The following CAD variants were observed in gnomAD, a reference collection of about 807,000 sequenced individuals.
CAD encodes multifunctional protein CAD.
Under a neutral mutation model 237.2 loss-of-function variants are expected in CAD, and 81 were observed. The ratio of observed to expected loss-of-function variants is 0.34; its 90% CI spans 0.29 to 0.41. The LOEUF (loss-of-function observed/expected upper bound fraction) is 0.41. Ranked by LOEUF, CAD falls within the 10% of genes least tolerant of loss-of-function variation. The pLI is 1.00. For missense variants in CAD, 2,181 were observed against 2,951.7 expected, an observed-to-expected ratio of 0.74 and a Z score of 6.05; for synonymous variants, 1,196 against 1,162.8, an observed-to-expected ratio of 1.03 and a Z score of -0.58.
Position 27,235,999 on chromosome 2 carries a change from C to G in CAD, c.4075-285C>G. On this transcript the variant is annotated intron_variant, in intron 25 of 43. Transcript: ENST00000264705. This position sits in a 1 kb window ranked among gnomAD's most constrained non-coding sequence, Gnocchi z 5.2. Reference sequence around the variant, plus strand: ...AGCAAAGAGAAAAGTCTCTTAAAATCTCTGTACCACTGTTCTGATATTTTT... The same window carrying G: ...AGCAAAGAGAAAAGTCTCTTAAAATGTCTGTACCACTGTTCTGATATTTTT... 2 of 511,600 alleles carry G rather than the reference C, an allele frequency of 3.9e-6. No homozygotes were observed. The highest frequency in any genetic ancestry group is 5.5e-5 in the South Asian group (2 of 36,210). 31.7% of individuals were successfully genotyped at this position (511,600 alleles called of 1,614,324 possible).
Position 27,221,263 on chromosome 2 carries a change from G to C in CAD, c.268G>C (p.Glu90Gln). ...GIHVAALVVG[E>Q]CCPTPSHWSA... ...CCACGTAGCAGCACTGGTAGTGGGA[G>C]AGTGCTGTCCTACTCCCAGCCACTG... Residue 90 changes from glutamate to glutamine, a missense_variant, in exon 3 of 44, where the codon GAG (glutamate) becomes CAG (glutamine). This residue lies in a region of CAD where 314 missense variants were observed against 339.4 expected (regional missense o/e 0.93). Transcript: ENST00000264705. 1 of 1,586,098 alleles carries C rather than the reference G, an allele frequency of 6.3e-7. No homozygotes were observed. Among genetic ancestry groups the C allele is most frequent in the Non-Finnish European group, 8.6e-7 (1 of 1,165,260 alleles).
chr2:27,229,620 G>A (rs1051035616), intron 15 of CAD, among the ~76,000 whole-genome samples: 18 of 152,110 alleles, frequency 1.2e-4, no homozygotes, highest in Non-Finnish European at 2.1e-4. Flanking sequence ...GCTCATGCCT[G>A]TAATCCCAGC....
chr2:27,232,368 C>G lies in CAD; in HGVS notation c.2646-80C>G, dbSNP rs1213938798. 3.8e-6 allele frequency: 6 copies of G among 1,589,672 alleles called. No individual in the cohort carries two copies. The African/African-American group carries it at 5.4e-5, about 14-fold the overall frequency. On this transcript the variant is annotated intron_variant, in intron 17 of 43. Coordinates refer to ENST00000264705, the MANE Select transcript of CAD (RefSeq NM_004341.5). This position sits in a 1 kb window ranked among gnomAD's most constrained non-coding sequence, Gnocchi z 4.1. Reference sequence around the variant, plus strand: ...TGGTTCCAAGGATATTTCCTCTCATCTGTGCCCTGGGGTCTCAACCCTCTA... The same window carrying G: ...TGGTTCCAAGGATATTTCCTCTCATGTGTGCCCTGGGGTCTCAACCCTCTA...
rs188436343 is a variant in CAD at position 27,236,699 on chromosome 2, C to A, written c.4315-50C>A. The A allele has an allele frequency of 3.0e-5, 48 of 1,587,758 alleles. No individual in the cohort carries two copies. The highest frequency in any genetic ancestry group is 4.2e-5 in the Non-Finnish European group (48 of 1,156,220). ...TATGGGAAAACCACATCTCTCCCTA[C>A]AACTCCCAGGATCACCCTTCCCTTA... is the stretch of plus-strand genomic sequence containing the variant. On this transcript the variant is annotated intron_variant, in intron 26 of 43. Transcript: ENST00000264705. This position sits in a 1 kb window ranked among gnomAD's most constrained non-coding sequence, Gnocchi z 4.1.
rs1395827414 is a variant in CAD, at chr2:27,233,986, A to C, written c.3400-22A>C. The C allele has an allele frequency of 6.2e-7, 1 of 1,609,172 alleles. No homozygotes were observed. Among genetic ancestry groups the C allele is most frequent in the African/African-American group, 1.3e-5 (1 of 74,788 alleles). On this transcript the variant is annotated intron_variant, in intron 21 of 43. Coordinates refer to ENST00000264705, the MANE Select transcript of CAD (RefSeq NM_004341.5). The surrounding 1 kb of genome is among the most constrained non-coding windows in gnomAD (Gnocchi z 6.3). ...AGAGAAGAAAGTGGCCCTATGTCCC[A>C]CTGTCTGTGTCCCCCCGCTAGGAGA...
rs1676438900 is a variant in CAD, at chr2:27,243,534, G to A, written c.*16G>A. ...CCGTTTCTAGGGCCTGGCTTCCTCA[G>A]CCTCTTCTCTTTAGGCCCAGCTGCT... On this transcript the variant is annotated 3_prime_UTR_variant, in exon 44 of 44. Coordinates refer to ENST00000264705, the MANE Select transcript of CAD (RefSeq NM_004341.5). 1.3e-6 allele frequency: 2 copies of A among 1,567,328 alleles called. No individual in the cohort carries two copies. The highest frequency in any genetic ancestry group is 2.7e-5 in the African/African-American group (2 of 74,120).
rs1675287916 is a variant in CAD, at chr2:27,223,593, C to T, written c.840C>T (p.Cys280=). 2 of 1,613,314 alleles carry T rather than the reference C, an allele frequency of 1.2e-6. No homozygotes were observed. The highest frequency in any genetic ancestry group is 2.2e-5 in the East Asian group (1 of 44,898). The change falls in exon 7 of 44, where the codon TGC becomes TGT. Residue 280 remains cysteine, a synonymous_variant. Transcript: ENST00000264705. Reference sequence around the variant, plus strand: ...GGAACCGAGGCCATAACCAGCCCTGCTTGTTGGTGGGCTCTGGGCGCTGCT... The same window carrying T: ...GGAACCGAGGCCATAACCAGCCCTGTTTGTTGGTGGGCTCTGGGCGCTGCT... The part of the protein sequence containing the change: ...RYGNRGHNQP[C]LLVGSGRCFL...
In CAD at chr2:27,243,591, C is replaced by A; in HGVS notation, c.*73C>A. ...GGAATTCCAGTGCCTCCTACGGGGG[C>A]AGCACACTTAGATATTCCTGGACAT... On this transcript the variant is annotated 3_prime_UTR_variant, in exon 44 of 44. Coordinates refer to ENST00000264705, the MANE Select transcript of CAD (RefSeq NM_004341.5). 1.8e-6 allele frequency: 2 copies of A among 1,135,830 alleles called. No individual in the cohort carries two copies. Among genetic ancestry groups the A allele is most frequent in the Non-Finnish European group, 2.6e-6 (2 of 776,348 alleles). 70.4% of individuals were successfully genotyped at this position (1,135,830 alleles called of 1,614,324 possible).
intron 22 of CAD, 46 bp downstream of exon 22, chr2:27,234,272 G>A (rs899153389): frequency 6.5e-7 from 1 of 1,545,396 alleles, no homozygotes; most frequent in African/African-American, 1.4e-5. Flanking sequence ...GCTCTTGCAT[G>A]TTCTGTGCTG....
At chr2:27,229,175 C>G (rs1272592416) in intron 15 of CAD, among the ~76,000 whole-genome samples, 2 of 152,018 alleles carry the variant, frequency 1.3e-5, no homozygotes, top group Non-Finnish European at 2.9e-5. Flanking sequence ...GCCTCGGCCT[C>G]CCAAAGTGCT....
In CAD at chr2:27,240,177, C is replaced by T; in HGVS notation, c.5497-88C>T. On this transcript the variant is annotated intron_variant, in intron 34 of 43. Transcript: ENST00000264705. The surrounding 1 kb of genome is among the most constrained non-coding windows in gnomAD (Gnocchi z 4.6). ...AATTGCTTGAACCCAGAAGGTCACGCCACTGCACTCCAGCCTGAGCGACAG... is the reference window on the plus strand; with the variant it reads ...AATTGCTTGAACCCAGAAGGTCACGTCACTGCACTCCAGCCTGAGCGACAG... The T allele has an allele frequency of 9.1e-7, 1 of 1,095,840 alleles. No individual in the cohort carries two copies. The highest frequency in any genetic ancestry group is 2.4e-5 in the East Asian group (1 of 42,472). 67.9% of individuals were successfully genotyped at this position (1,095,840 alleles called of 1,614,324 possible).
In CAD at chr2:27,238,646, G is replaced by A. The variant is rs1398735403; in HGVS notation, c.5062+14G>A. ...CCTCAGACCATGGTGAGAGAATCCA[G>A]CATGTACCTCCTCTGCCCAGTGGGG... On this transcript the variant is annotated intron_variant, in intron 31 of 43. Coordinates refer to ENST00000264705, the MANE Select transcript of CAD (RefSeq NM_004341.5). 7 of 1,599,198 alleles carry A rather than the reference G, an allele frequency of 4.4e-6. No homozygotes were observed. The highest frequency in any genetic ancestry group is 6.0e-6 in the Non-Finnish European group (7 of 1,172,082).
Position 27,235,242 on chromosome 2 carries a change from T to C in CAD, c.3787-3T>C, listed in dbSNP as rs943189817. Reference sequence around the variant, plus strand: ...CCCTCTCTCTTCCCTCCCGCCCCTTTAGGTGCCTCAGTTCTCCTTCTCCCG... The same window carrying C: ...CCCTCTCTCTTCCCTCCCGCCCCTTCAGGTGCCTCAGTTCTCCTTCTCCCG... On this transcript the variant is annotated splice_region_variant and splice_polypyrimidine_tract_variant and intron_variant, in intron 23 of 43. Transcript: ENST00000264705. The surrounding 1 kb of genome is among the most constrained non-coding windows in gnomAD (Gnocchi z 5.2). 4 of 1,602,840 alleles carry C rather than the reference T, an allele frequency of 2.5e-6. No homozygotes were observed. The African/African-American group carries it at 5.4e-5, about 21-fold the overall frequency.
chr2:27,219,891 T>G (rs922629260), intron 2 of CAD, among the ~76,000 whole-genome samples: 1 of 152,194 alleles, frequency 6.6e-6, no homozygotes, highest in Non-Finnish European at 1.5e-5. Flanking sequence ...GCCTGGCCTT[T>G]TCTTTTTTAA....
rs777321120 is a variant in CAD, at chr2:27,242,058, G to A, written c.6031G>A (p.Val2011Met). The stretch of plus-strand genomic sequence containing the variant: ...GAAGGGCGAATCCCTGGCTGACTCC[G>A]TGCAGACCATGAGCTGCTATGCCGA... ...VQKGESLADS[V>M]QTMSCYADVV... The change falls in exon 39 of 44, where the codon GTG becomes ATG. Residue 2011 changes from valine to methionine, a missense_variant. Coordinates refer to ENST00000264705, the MANE Select transcript of CAD (RefSeq NM_004341.5). This position sits in a 1 kb window ranked among gnomAD's most constrained non-coding sequence, Gnocchi z 6.4. 2.8e-5 allele frequency: 45 copies of A among 1,613,216 alleles called. 1 individual carries two copies. The highest frequency in any genetic ancestry group is 5.0e-5 in the Admixed American group (3 of 60,016).
intron 6 of CAD, 118 bp downstream of exon 6, chr2:27,223,155 G>A: frequency 1.8e-6 from 2 of 1,083,794 alleles, no homozygotes; most frequent in Admixed American, 4.4e-5. Context: ...GGGGTTGCAG[G>A]TGAGGTGGCT....
At position 27,237,587 on chromosome 2, in the gene CAD, C is replaced by T; in HGVS notation, c.4563+42C>T. ...TTCCTGGTATTGGAGACCCATATGC[C>T]CCTACCAGCCACCCTTGCTTCCCTG... On this transcript the variant is annotated intron_variant, in intron 28 of 43. Coordinates refer to ENST00000264705, the MANE Select transcript of CAD (RefSeq NM_004341.5). This position sits in a 1 kb window ranked among gnomAD's most constrained non-coding sequence, Gnocchi z 4.0. 1 of 1,594,330 alleles carries T rather than the reference C, an allele frequency of 6.3e-7. No individual in the cohort carries two copies. Among genetic ancestry groups the T allele is most frequent in the Non-Finnish European group, 8.6e-7 (1 of 1,167,592 alleles).
In CAD at chr2:27,226,554, C is replaced by T. The variant is rs1675452104; in HGVS notation, c.2061C>T (p.Leu687=). The change falls in exon 14 of 44, where the codon CTC becomes CTT. Residue 687 remains leucine (L), a synonymous_variant. Coordinates refer to ENST00000264705, the MANE Select transcript of CAD (RefSeq NM_004341.5). ...QYYIIEVNAR[L]SRSSALASKA... ...ACATCATTGAAGTGAATGCCAGGCT[C>T]TCTCGCAGCTCTGCCCTGGCCAGTA... 6.2e-7 allele frequency: 1 copy of T among 1,614,136 alleles called. No individual in the cohort carries two copies.
In CAD at chr2:27,242,025, T is replaced by C; in HGVS notation, c.5998T>C (p.Ser2000Pro). The C allele has an allele frequency of 2.5e-6, 4 of 1,613,408 alleles. No individual in the cohort carries two copies. The highest frequency in any genetic ancestry group is 3.4e-6 in the Non-Finnish European group (4 of 1,180,038). ...AVLSFSEATS[S>P]VQKGESLADS... ...GCTCAGCTTCTCGGAAGCCACATCG[T>C]CCGTCCAGAAGGGCGAATCCCTGGC... Residue 2000 changes from serine to proline, a missense_variant, in exon 39 of 44, where the codon TCC becomes CCC. Physicochemically the swap from Ser to Pro is moderately conservative, Grantham distance 74 (BLOSUM62 -1). Around this residue, in one of 12 missense-constraint regions of CAD, gnomAD observed 203 missense variants for 284.5 expected, o/e 0.71. Coordinates refer to ENST00000264705, the MANE Select transcript of CAD (RefSeq NM_004341.5). The surrounding 1 kb of genome is among the most constrained non-coding windows in gnomAD (Gnocchi z 6.4).
Sources: allele counts gnomAD v4.1 joint callset (sites outside exome capture counted in the v4.1 genomes callset), GRCh38; gene constraint gnomAD v4.1.1; regional missense constraint gnomAD v4.1.1; non-coding constraint Gnocchi (gnomAD v3.1); transcripts MANE v1.5; gene names NCBI Gene and HGNC (gene_info 2026-07-23, HGNC 2026-07-21).